NRXN1: variants seen among roughly 807,000 people sequenced by gnomAD.
The protein encoded by NRXN1 is neurexin 1.
A neutral mutation model predicts 150.9 loss-of-function variants in NRXN1; 39 were observed. That is an observed-to-expected ratio of 0.26 (90% CI 0.20 to 0.34). NRXN1 has a LOEUF of 0.34. Ranked by LOEUF, NRXN1 falls within the 10% of genes least tolerant of loss-of-function variation. NRXN1 has a pLI of 1.00. For synonymous variants in NRXN1, 924 were observed against 757.0 expected (o/e 1.22, Z -3.62); for missense variants, 1,815 against 1,949.9 (o/e 0.93, Z 1.30).
rs989783156 is a variant in NRXN1 at position 50,405,894 on chromosome 2, C to T, written c.3364+59548G>A. On this transcript the variant is annotated intron_variant, in intron 17 of 22. Transcript: ENST00000401669. The stretch of plus-strand genomic sequence containing the variant: ...TCCAGTCATTTTTGAAGGTGATTTA[C>T]AATTGTTAATTCATTGAAATTCTCA... 3.9e-5 allele frequency among the ~76,000 whole-genome samples: 6 copies of T among 152,146 alleles called. No individual in the cohort carries two copies. The East Asian group carries it at 9.7e-4, about 24-fold the overall frequency.
intron 17 of NRXN1, among the ~76,000 whole-genome samples, chr2:50,281,618 A>G (rs1171297448): frequency 1.3e-5 from 2 of 152,126 alleles, no homozygotes; most frequent in African/African-American, 4.8e-5. Context: ...TGGTCCCTGC[A>G]CTAAGGAAGG....
At chr2:50,171,929 G>T (rs992703836) in intron 18 of NRXN1, among the ~76,000 whole-genome samples, 2 of 152,194 alleles carry the variant, frequency 1.3e-5, no homozygotes, top group African/African-American at 4.8e-5. Flanking sequence ...ACATGAGATT[G>T]CTCTGAAGAG....
intron 17 of NRXN1, among the ~76,000 whole-genome samples, chr2:50,397,733 T>C (rs78641952): frequency 6.6e-6 from 1 of 152,280 alleles, no homozygotes; most frequent in South Asian, 2.1e-4. Flanking sequence ...AAATCTGTTG[T>C]GTTTAGAATG....
At chr2:50,944,270 A>C (rs2104518410) in intron 2 of NRXN1, among the ~76,000 whole-genome samples, 1 of 152,264 alleles carries the variant, frequency 6.6e-6, no homozygotes, top group East Asian at 1.9e-4. Context: ...AATTATAAAG[A>C]ATGGGTATAA....
chr2:50,784,266 A>G (rs558989461), intron 5 of NRXN1, among the ~76,000 whole-genome samples: 14 of 152,222 alleles, frequency 9.2e-5, no homozygotes, highest in African/African-American at 3.4e-4. Flanking sequence ...CACTTTTATC[A>G]AAGGGTCAGA....
chr2:50,760,028 C>T (rs1399647597), intron 5 of NRXN1, among the ~76,000 whole-genome samples: 1 of 151,844 alleles, frequency 6.6e-6, no homozygotes, highest in Non-Finnish European at 1.5e-5. Flanking sequence ...AGATCATAGA[C>T]TCAGTTTACA....
intron 17 of NRXN1, among the ~76,000 whole-genome samples, chr2:50,291,121 G>T (rs1160203433): frequency 1.5e-5 from 2 of 133,058 alleles, no homozygotes; most frequent in Admixed American, 7.9e-5. Context: ...TCCTGGAGTT[G>T]AACCACAGAA....
intron 17 of NRXN1, among the ~76,000 whole-genome samples, chr2:50,408,392 C>A (rs557774785): frequency 6.6e-6 from 1 of 152,270 alleles, no homozygotes; most frequent in African/African-American, 2.4e-5. Flanking sequence ...CTTCATTTTG[C>A]CAGTGAGGGA....
intron 18 of NRXN1, among the ~76,000 whole-genome samples, chr2:50,101,949 G>A (rs757595800): frequency 4.6e-5 from 7 of 151,784 alleles, no homozygotes; most frequent in East Asian, 3.9e-4. Context: ...TTTTCTTTTC[G>A]TTTTCTCTTT....
At chr2:50,202,714 T>C (rs1356344579) in intron 18 of NRXN1, among the ~76,000 whole-genome samples, 4 of 152,078 alleles carry the variant, frequency 2.6e-5, no homozygotes, top group African/African-American at 9.7e-5. Flanking sequence ...TATATGAATA[T>C]AAAGTATATT....
At chr2:50,122,885 T>C (rs1320713499) in intron 18 of NRXN1, among the ~76,000 whole-genome samples, 1 of 152,188 alleles carries the variant, frequency 6.6e-6, no homozygotes, top group Non-Finnish European at 1.5e-5. Context: ...GTCTAGCACA[T>C]CTATTGAAAA....
intron 2 of NRXN1, among the ~76,000 whole-genome samples, chr2:51,022,820 T>A (rs769917241): frequency 6.6e-6 from 1 of 152,196 alleles, no homozygotes; most frequent in South Asian, 2.1e-4. Context: ...AAACAACAAA[T>A]ATATTTTGTC....
At chr2:50,992,798 G>C (rs1201418365) in intron 2 of NRXN1, among the ~76,000 whole-genome samples, 1 of 151,898 alleles carries the variant, frequency 6.6e-6, no homozygotes, top group African/African-American at 2.4e-5. Context: ...CATGGGGAGA[G>C]AATAGTTTAT....
intron 5 of NRXN1, among the ~76,000 whole-genome samples, chr2:50,857,245 T>C (rs1447240016): frequency 6.6e-6 from 1 of 151,920 alleles, no homozygotes; most frequent in Non-Finnish European, 1.5e-5. Flanking sequence ...GGATTTGATA[T>C]TGTCAGGATA....
chr2:50,281,392 T>G (rs1353578538), intron 17 of NRXN1, among the ~76,000 whole-genome samples: 1 of 152,074 alleles, frequency 6.6e-6, no homozygotes, highest in Non-Finnish European at 1.5e-5. Context: ...TCCTTTTTGT[T>G]TGAAACATGA....
intron 21 of NRXN1, among the ~76,000 whole-genome samples, chr2:50,011,357 A>T (rs1685632292): frequency 6.6e-6 from 1 of 152,182 alleles, no homozygotes; most frequent in Admixed American, 6.6e-5. Context: ...TTAATGACCA[A>T]TTAATTCAGA....
intron 18 of NRXN1, among the ~76,000 whole-genome samples, chr2:50,100,957 C>T (rs915258047): frequency 1.3e-5 from 2 of 151,976 alleles, no homozygotes; most frequent in Admixed American, 6.6e-5. Context: ...TAATACTTTC[C>T]ATTTGGATAG....
At chr2:50,970,279 A>C (rs1694800455) in intron 2 of NRXN1, among the ~76,000 whole-genome samples, 1 of 152,110 alleles carries the variant, frequency 6.6e-6, no homozygotes, top group African/African-American at 2.4e-5. Flanking sequence ...AATGGAACTG[A>C]GAGAAAAGAG....
intron 2 of NRXN1, among the ~76,000 whole-genome samples, chr2:50,976,898 C>T (rs555164123): frequency 1.1e-4 from 17 of 152,062 alleles, no homozygotes; most frequent in African/African-American, 2.2e-4. Flanking sequence ...TTCATGATTC[C>T]GTTACCTCCT....
Sources: allele counts gnomAD v4.1 joint callset (sites outside exome capture counted in the v4.1 genomes callset), GRCh38; gene constraint gnomAD v4.1.1; transcripts MANE v1.5; gene names NCBI Gene and HGNC (gene_info 2026-07-23, HGNC 2026-07-21).